Variants in AMPD3 observed in about 807,000 individuals in gnomAD.
AMPD3 encodes adenosine monophosphate deaminase 3.
In AMPD3, 57 loss-of-function variants were observed where a neutral mutation model predicts 82.3. The observed-to-expected ratio is 0.69, with a 90% CI of 0.56 to 0.86. AMPD3 has a LOEUF of 0.86. Among genes scored for constraint, AMPD3 ranks in the 40% least tolerant of loss-of-function variants. The pLI is 0.00. For synonymous variants in AMPD3, 381 were observed against 394.7 expected, an observed-to-expected ratio of 0.97 and a Z score of 0.41; for missense variants, 870 against 1,003.8, an observed-to-expected ratio of 0.87 and a Z score of 1.80.
In AMPD3 at chr11:10,501,658, C is replaced by G. The variant is rs1849586214; in HGVS notation, c.1842+68C>G. On this transcript the variant is annotated intron_variant, in intron 12 of 14. Transcript: ENST00000396553. ...TGCCCTGGGCTCCTGGGAGGCTCAA[C>G]CAGTGAGGCCAGAAGGCTGGGCCCT... 7 of 1,613,034 alleles carry G rather than the reference C, an allele frequency of 4.3e-6. No individual in the cohort carries two copies. The Admixed American group carries it at 1.2e-4, about 27-fold the overall frequency.
At chr11:10,477,214 T>A in intron 2 of AMPD3, 1 of 597,632 alleles carries the variant, frequency 1.7e-6, no homozygotes. Flanking sequence ...ATCACACTAG[T>A]ACCTGGAGAG....
At chr11:10,471,371 G>A (rs1264705678) in intron 2 of AMPD3, among the ~76,000 whole-genome samples, 1 of 151,836 alleles carries the variant, frequency 6.6e-6, no homozygotes, top group Non-Finnish European at 1.5e-5. Context: ...GAAAACCTAG[G>A]ACATTCAGGA....
At chr11:10,497,728 T>C (rs1849457534) in intron 10 of AMPD3, 8 of 983,810 alleles carry the variant, frequency 8.1e-6, no homozygotes, top group Non-Finnish European at 9.6e-6. Context: ...TAGCTGGAGG[T>C]GGGGGCAGGG....
intron 9 of AMPD3, chr11:10,496,067 C>T (rs1849390638): frequency 3.6e-6 from 1 of 281,360 alleles, no homozygotes; most frequent in Non-Finnish European, 5.4e-6. Flanking sequence ...CAGGCACCCG[C>T]CACCACGTCT....
intron 1 of AMPD3, 28 bp downstream of exon 1, chr11:10,455,476 T>C: frequency 2.1e-6 from 2 of 935,308 alleles, no homozygotes; most frequent in Non-Finnish European, 2.5e-6. Context: ...TGGGGTGGGC[T>C]CCGGTGGGTC....
At chr11:10,463,467 C>G (rs921252566) in intron 2 of AMPD3, among the ~76,000 whole-genome samples, 2 of 152,148 alleles carry the variant, frequency 1.3e-5, no homozygotes, top group African/African-American at 2.4e-5. Context: ...CTGTAGAGAC[C>G]CTCATTCACA....
chr11:10,487,397 A>G (rs1849106093), intron 6 of AMPD3, 33 bp downstream of exon 6: 1 of 1,612,580 alleles, frequency 6.2e-7, no homozygotes, highest in Non-Finnish European at 8.5e-7. Flanking sequence ...CAGCTGCCTC[A>G]CCCGGTCCCC....
At chr11:10,451,180 C>G, upstream of AMPD3, 1 of 1,472,502 alleles carries the variant, frequency 6.8e-7, no homozygotes, top group Middle Eastern at 1.9e-4. Context: ...GGCGCTGACT[C>G]CGGTCCGATC....
chr11:10,450,843 C>G (rs1847941325), upstream of AMPD3: 12 of 1,199,312 alleles, frequency 1.0e-5, no homozygotes, highest in East Asian at 4.4e-4. Context: ...CCGCGGGGCC[C>G]TCCTGGCCGG....
At chr11:10,487,726 GAC>G (rs1213087504) in intron 6 of AMPD3, among the ~76,000 whole-genome samples, 3 of 152,276 alleles carry the variant, frequency 2.0e-5, no homozygotes, top group Admixed American at 6.5e-5. Context: ...ATCAAAGAAA[GAC>G]ACAGCTGTTA....
chr11:10,455,883 A>C (rs990816479), intron 1 of AMPD3: 11 of 984,416 alleles, frequency 1.1e-5, no homozygotes, highest in Non-Finnish European at 1.2e-5. Flanking sequence ...CCCCTTGATA[A>C]AATGCAGCCA....
At chr11:10,503,367 G>A (rs1313988071) in intron 13 of AMPD3, among the ~76,000 whole-genome samples, 1 of 152,186 alleles carries the variant, frequency 6.6e-6, no homozygotes, top group Non-Finnish European at 1.5e-5. Flanking sequence ...GAAAATAAAA[G>A]AGGAAGCTAA....
chr11:10,477,726 C>T (rs756986358), intron 2 of AMPD3, among the ~76,000 whole-genome samples: 8 of 152,120 alleles, frequency 5.3e-5, no homozygotes, highest in East Asian at 3.9e-4. Context: ...GGATGGTACA[C>T]GGCGGGCTAG....
chr11:10,463,847 C>T (rs1190776099), intron 2 of AMPD3, among the ~76,000 whole-genome samples: 2 of 152,204 alleles, frequency 1.3e-5, no homozygotes, highest in Non-Finnish European at 2.9e-5. Flanking sequence ...CGCCATTTGA[C>T]TAGACGCTCC....
At chr11:10,495,760 C>G in intron 9 of AMPD3, 27 bp downstream of exon 9, 2 of 1,613,526 alleles carry the variant, frequency 1.2e-6, no homozygotes, top group Non-Finnish European at 1.7e-6. Context: ...GCTGTCTACC[C>G]TGTGCCCTAC....
Position 10,501,563 on chromosome 11 carries a change from CA to C in AMPD3, c.1816del (p.Ile606PhefsTer43). 1 of 1,614,192 alleles carries C rather than the reference CA, an allele frequency of 6.2e-7. No homozygotes were observed. The highest frequency in any genetic ancestry group is 8.5e-7 in the Non-Finnish European group (1 of 1,180,034). ...LVSAFLTADN[I>X]SHGLLLKKSP... ...TGTCTGCCTTCCTCACTGCTGACAA[CA>C]TTTCCCACGGGCTGCTCCTCAAGAA... On this transcript the variant is annotated frameshift_variant, in exon 12 of 15. Transcript: ENST00000396553. LOFTEE classifies it high-confidence loss of function.
chr11:10,456,223 C>T lies in AMPD3; in HGVS notation c.-6+775C>T. ...ATTTCCAGCCCAGGCTTTTCCTGCT[C>T]TGGCTCACTGCTGCTCACAGATATG... is the stretch of plus-strand genomic sequence containing the variant. On this transcript the variant is annotated intron_variant, in intron 1 of 14. Coordinates refer to ENST00000396553, the MANE Select transcript of AMPD3 (RefSeq NM_001025389.2). This position sits in a 1 kb window ranked among gnomAD's most constrained non-coding sequence, Gnocchi z 4.3. 6.8e-7 allele frequency: 1 copy of T among 1,469,088 alleles called. No individual in the cohort carries two copies. Among genetic ancestry groups the T allele is most frequent in the Non-Finnish European group, 9.0e-7 (1 of 1,111,458 alleles). 91.0% of individuals were successfully genotyped at this position (1,469,088 alleles called of 1,614,324 possible).
At position 10,493,736 on chromosome 11, in the gene AMPD3, G is replaced by A; in HGVS notation, c.1134+193G>A. ...CAGCCATGGGACAGGGAAAGAGGGT[G>A]TGTGGCTTGGGGCCTGACAGGTCTA... On this transcript the variant is annotated intron_variant, in intron 7 of 14. Coordinates refer to ENST00000396553, the MANE Select transcript of AMPD3 (RefSeq NM_001025389.2). 4 of 711,938 alleles carry A rather than the reference G, an allele frequency of 5.6e-6. No homozygotes were observed. In the South Asian group the frequency reaches 6.4e-5, roughly 11 times the overall value. 44.1% of individuals were successfully genotyped at this position (711,938 alleles called of 1,614,324 possible).
At chr11:10,502,592 G>T in intron 12 of AMPD3, 129 bp from the exon 13 acceptor site, 1 of 1,591,684 alleles carries the variant, frequency 6.3e-7, no homozygotes, top group East Asian at 2.2e-5. Flanking sequence ...CTCGGGTTGA[G>T]GACTTGGGCA....
Sources: allele counts gnomAD v4.1 joint callset (sites outside exome capture counted in the v4.1 genomes callset), GRCh38; gene constraint gnomAD v4.1.1; non-coding constraint Gnocchi (gnomAD v3.1); transcripts MANE v1.5; gene names NCBI Gene and HGNC (gene_info 2026-07-23, HGNC 2026-07-21).